The following ZNF165 variants were observed in gnomAD, a reference collection of about 807,000 sequenced individuals.
ZNF165 encodes the protein zinc finger protein 165.
In ZNF165, 14 loss-of-function variants were observed where a neutral mutation model predicts 19.6. The ratio of observed to expected loss-of-function variants is 0.71; its 90% CI spans 0.47 to 1.12. ZNF165 has a LOEUF of 1.12. Among genes scored for constraint, ZNF165 ranks in the 50% most tolerant of loss-of-function variants. The pLI is 0.00. For synonymous variants in ZNF165, 165 were observed against 195.0 expected, an observed-to-expected ratio of 0.85 and a Z score of 1.28; for missense variants, 504 against 566.3, an observed-to-expected ratio of 0.89 and a Z score of 1.12.
intron 1 of ZNF165, among the ~76,000 whole-genome samples, chr6:28,083,984 A>G (rs746594363): frequency 1.3e-5 from 2 of 152,174 alleles, no homozygotes; most frequent in African/African-American, 2.4e-5. Flanking sequence ...CTTCCCAACT[A>G]GTTCTTCCCA....
Position 28,082,202 on chromosome 6 carries a change from G to A in ZNF165, c.-1+1232G>A, listed in dbSNP as rs370416705. Among the ~76,000 whole-genome samples the A allele has an allele frequency of 1.6e-4, 24 of 151,758 alleles. No individual in the cohort carries two copies. In the South Asian group the frequency reaches 1.9e-3, roughly 12 times the overall value. ...TTTTGTTCTTACTTATACTCAAATT[G>A]TTTGTTTTCCAAGGTTCAGTCTGAA... is the stretch of plus-strand genomic sequence containing the variant. On this transcript the variant is annotated intron_variant, in intron 1 of 3. Transcript: ENST00000683778.
chr6:28,087,679 C>T (rs1004361504), intron 3 of ZNF165, among the ~76,000 whole-genome samples: 2 of 152,174 alleles, frequency 1.3e-5, no homozygotes, highest in Non-Finnish European at 2.9e-5. Flanking sequence ...CCTGCCCTAG[C>T]GTATTGTAGA....
upstream of ZNF165, among the ~76,000 whole-genome samples, chr6:28,080,377 T>C (rs568747983): frequency 6.6e-6 from 1 of 151,972 alleles, no homozygotes; most frequent in Non-Finnish European, 1.5e-5. Flanking sequence ...GTGTATCTTT[T>C]TCTTCTTCTT....
At position 28,088,621 on chromosome 6, in the gene ZNF165, A is replaced by G; in HGVS notation, c.609A>G (p.Glu203=). 1.2e-6 allele frequency: 2 copies of G among 1,612,134 alleles called. No individual in the cohort carries two copies. Among genetic ancestry groups the G allele is most frequent in the Non-Finnish European group, 1.7e-6 (2 of 1,179,534 alleles). Reference sequence around the variant, plus strand: ...AGCTGGAAATTTTTGAAAAAATTGAATCACAGAGAATTATATCTGGAAGAA... The same window carrying G: ...AGCTGGAAATTTTTGAAAAAATTGAGTCACAGAGAATTATATCTGGAAGAA... ...MPKLEIFEKI[E]SQRIISGRIS... Residue 203 remains glutamate, a synonymous_variant, in exon 4 of 4, where the codon GAA becomes GAG. Transcript: ENST00000683778.
At chr6:28,086,564 C>CA (rs1467167239) in intron 3 of ZNF165, among the ~76,000 whole-genome samples, 1 of 152,146 alleles carries the variant, frequency 6.6e-6, no homozygotes, top group Non-Finnish European at 1.5e-5. Context: ...ACTAAAAATA[C>CA]AAAAAATTAG....
chr6:28,085,954 G>C, intron 2 of ZNF165, 63 bp downstream of exon 2: 1 of 1,575,912 alleles, frequency 6.3e-7, no homozygotes, highest in Non-Finnish European at 8.5e-7. Flanking sequence ...TGGGAGGAGA[G>C]GCCCGAGATT....
At position 28,085,692 on chromosome 6, in the gene ZNF165, G is replaced by A. The variant is rs1004593898; in HGVS notation, c.212G>A (p.Arg71Gln). 10 of 1,614,076 alleles carry A rather than the reference G, an allele frequency of 6.2e-6. No individual in the cohort carries two copies. Among genetic ancestry groups the A allele is most frequent in the Admixed American group, 1.7e-5 (1 of 60,028 alleles). The change falls in exon 2 of 4, where the codon CGG becomes CAG. Residue 71 changes from arginine (R) to glutamine (Q), a missense_variant. Coordinates refer to ENST00000683778, the MANE Select transcript of ZNF165 (RefSeq NM_001376491.1). ...PGPREALSRL[R>Q]ELCCQWLKPE... ...CCTCGCGAGGCACTGAGCCGCCTCC[G>A]GGAGCTCTGCTGTCAGTGGCTGAAG...
intron 2 of ZNF165, 26 bp from the exon 3 acceptor site, chr6:28,086,146 G>T (rs778052971): frequency 1.3e-6 from 2 of 1,599,812 alleles, no homozygotes; most frequent in Non-Finnish European, 1.7e-6. Flanking sequence ...TCTTTTATAA[G>T]CCCAAATGTA....
intron 1 of ZNF165, among the ~76,000 whole-genome samples, chr6:28,083,103 G>A (rs1055627324): frequency 1.3e-5 from 2 of 152,174 alleles, no homozygotes; most frequent in Non-Finnish European, 2.9e-5. Flanking sequence ...TTTCTTAACA[G>A]AGGCAGTAGA....
intron 1 of ZNF165, among the ~76,000 whole-genome samples, chr6:28,084,752 T>C (rs1764232840): frequency 6.6e-6 from 1 of 152,156 alleles, no homozygotes; most frequent in Non-Finnish European, 1.5e-5. Context: ...AACATATTCA[T>C]CTCCACAGTG....
chr6:28,088,669 A>T lies in ZNF165; in HGVS notation c.657A>T (p.Ala219=), dbSNP rs17852344. ...SGRISGYISE[A]SGESQDICKS... is the part of the protein sequence containing the mutation. ...GAATCTCAGGATACATATCAGAAGC[A>T]TCTGGTGAGTCTCAAGACATCTGTA... The change falls in exon 4 of 4, where the codon GCA becomes GCT. Residue 219 remains alanine (A), a synonymous_variant. Coordinates refer to ENST00000683778, the MANE Select transcript of ZNF165 (RefSeq NM_001376491.1). 2 of 1,614,110 alleles carry T rather than the reference A, an allele frequency of 1.2e-6. No individual in the cohort carries two copies. The highest frequency in any genetic ancestry group is 1.7e-6 in the Non-Finnish European group (2 of 1,180,044).
At chr6:28,088,022 C>A (rs931359626) in intron 3 of ZNF165, among the ~76,000 whole-genome samples, 2 of 152,116 alleles carry the variant, frequency 1.3e-5, no homozygotes, top group African/African-American at 4.8e-5. Context: ...GGGATTTATA[C>A]AAGGGACACT....
Position 28,085,531 on chromosome 6 carries a change from A to G in ZNF165, c.51A>G (p.Glu17=), listed in dbSNP as rs1764253543. The G allele has an allele frequency of 6.2e-7, 1 of 1,614,106 alleles. No individual in the cohort carries two copies. Residue 17 remains glutamate, a synonymous_variant, in exon 2 of 4, where the codon GAA becomes GAG. Transcript: ENST00000683778. ...CAGCCCAGAACTCTCCAGAGGATGAAGGACTTCTGATAGTGAAGATAGAAG... is the reference window on the plus strand; with the variant it reads ...CAGCCCAGAACTCTCCAGAGGATGAGGGACTTCTGATAGTGAAGATAGAAG... The part of the protein sequence containing the change: ...KAAAQNSPED[E]GLLIVKIEEE...
chr6:28,088,550 T>C lies in ZNF165; in HGVS notation c.551-13T>C. 6.4e-7 allele frequency: 1 copy of C among 1,563,778 alleles called. No homozygotes were observed. The highest frequency in any genetic ancestry group is 8.6e-7 in the Non-Finnish European group (1 of 1,160,764). The stretch of plus-strand genomic sequence containing the variant: ...AGCAAACAGGTAATATTTCCCTTTC[T>C]TTTTTATTTTAGATAATGAGAGTGA... On this transcript the variant is annotated splice_polypyrimidine_tract_variant and intron_variant, in intron 3 of 3. Transcript: ENST00000683778.
At position 28,089,207 on chromosome 6, in the gene ZNF165, C is replaced by A; in HGVS notation, c.1195C>A (p.Pro399Thr). Reference protein sequence around the residue: ...RHRRIHTGERPFGCKECGRAF... With the variant: ...RHRRIHTGERTFGCKECGRAF... ...TCGGCGAATTCACACTGGGGAAAGACCCTTTGGTTGCAAAGAATGTGGGAG... is the reference window on the plus strand; with the variant it reads ...TCGGCGAATTCACACTGGGGAAAGAACCTTTGGTTGCAAAGAATGTGGGAG... Residue 399 changes from proline to threonine, a missense_variant, in exon 4 of 4, where the codon CCC becomes ACC. Pro to Thr is a conservative substitution (Grantham distance 38). Transcript: ENST00000683778. The A allele has an allele frequency of 6.2e-7, 1 of 1,614,200 alleles. No individual in the cohort carries two copies. The highest frequency in any genetic ancestry group is 8.5e-7 in the Non-Finnish European group (1 of 1,180,036).
chr6:28,089,141 T>C lies in ZNF165; in HGVS notation c.1129T>C (p.Cys377Arg). Residue 377 changes from cysteine to arginine, a missense_variant, in exon 4 of 4, where the codon TGT becomes CGT. Coordinates refer to ENST00000683778, the MANE Select transcript of ZNF165 (RefSeq NM_001376491.1). ...AGAGAGATGCTATGAATGTAATGAA[T>C]GTGGGAAAAGCTTTGCAGAGAGCTC... is the stretch of plus-strand genomic sequence containing the variant. ...TGERCYECNE[C>R]GKSFAESSDL... 2 of 1,614,182 alleles carry C rather than the reference T, an allele frequency of 1.2e-6. No individual in the cohort carries two copies. Among genetic ancestry groups the C allele is most frequent in the Admixed American group, 3.3e-5 (2 of 60,016 alleles).
At chr6:28,086,576 C>T (rs955644713) in intron 3 of ZNF165, among the ~76,000 whole-genome samples, 4 of 151,984 alleles carry the variant, frequency 2.6e-5, no homozygotes, top group Non-Finnish European at 4.4e-5. Flanking sequence ...AAAAATTAGC[C>T]GTAGCACCTG....
In ZNF165 at chr6:28,089,189, A is replaced by AC. The variant is rs753875448; in HGVS notation, c.1177_1178insC (p.Ile393ThrfsTer39). On this transcript the variant is annotated frameshift_variant, in exon 4 of 4. Coordinates refer to ENST00000683778, the MANE Select transcript of ZNF165 (RefSeq NM_001376491.1). LOFTEE classifies it low-confidence loss of function (END_TRUNC). ...CTCAGATCTTACTAGACATCGGCGA[A>AC]TTCACACTGGGGAAAGACCCTTTGG... 25 of 1,614,226 alleles carry AC rather than the reference A, an allele frequency of 1.5e-5. No homozygotes were observed. The East Asian group carries it at 4.9e-4, about 32-fold the overall frequency.
rs1024149166 is a variant in ZNF165 at position 28,085,789 on chromosome 6, A to C, written c.309A>C (p.Gly103=). ...AGCAGTTCCTGACCATCCTGCCAGGAGATTTGCAGGCCTGGGTACATGAAC... is the reference window on the plus strand; with the variant it reads ...AGCAGTTCCTGACCATCCTGCCAGGCGATTTGCAGGCCTGGGTACATGAAC... ...VLEQFLTILP[G]DLQAWVHEHY... is the part of the protein sequence containing the mutation. The change falls in exon 2 of 4, where the codon GGA becomes GGC. Residue 103 remains glycine, a synonymous_variant. Transcript: ENST00000683778. 1 of 1,613,616 alleles carries C rather than the reference A, an allele frequency of 6.2e-7. No individual in the cohort carries two copies.
Sources: gnomAD v4.1 joint callset for allele counts (sites outside exome capture counted in the v4.1 genomes callset) on GRCh38, gnomAD v4.1.1 for gene constraint, MANE v1.5 for transcripts, NCBI Gene and HGNC (gene_info 2026-07-23, HGNC 2026-07-21) for gene names.